THNSL1: variants seen among roughly 807,000 people sequenced by gnomAD.
THNSL1 encodes threonine synthase-like 1.
Under a neutral mutation model 50.4 loss-of-function variants are expected in THNSL1, and 48 were observed. That is an observed-to-expected ratio of 0.95 (90% CI 0.76 to 1.21). THNSL1 has a LOEUF of 1.21. THNSL1 is among the 50% of genes most tolerant of loss of function. THNSL1 has a pLI of 0.00. For synonymous variants in THNSL1, 309 were observed against 306.1 expected, an observed-to-expected ratio of 1.01 and a Z score of -0.10; for missense variants, 896 against 871.7, an observed-to-expected ratio of 1.03 and a Z score of -0.35.
At chr10:24,975,001 T>A in the THNSL1 span, among the ~76,000 whole-genome samples, 1 of 152,096 alleles carries the variant, frequency 6.6e-6, no homozygotes, top group African/African-American at 2.4e-5. Flanking sequence ...TCTTACTAAG[T>A]GGGTGGCAGC....
chr10:24,975,231 A>G, the THNSL1 span, among the ~76,000 whole-genome samples: 2 of 152,220 alleles, frequency 1.3e-5, no homozygotes, highest in African/African-American at 4.8e-5. Flanking sequence ...AGCACAGCTC[A>G]AGGGTGGGAA....
the THNSL1 span, among the ~76,000 whole-genome samples, chr10:24,985,920 T>A: frequency 6.6e-6 from 1 of 152,012 alleles, no homozygotes; most frequent in African/African-American, 2.4e-5. Flanking sequence ...ATACAAAAAA[T>A]AGCCAGGTGT....
At chr10:25,002,360 C>T in the THNSL1 span, among the ~76,000 whole-genome samples, 62 of 152,344 alleles carry the variant, frequency 4.1e-4, 2 homozygotes, top group East Asian at 0.011. Flanking sequence ...GTACTCTGTG[C>T]TGTGAATTCT....
At chr10:24,998,566 A>G in the THNSL1 span, among the ~76,000 whole-genome samples, 4 of 151,662 alleles carry the variant, frequency 2.6e-5, no homozygotes, top group Admixed American at 6.6e-5. Context: ...ATTTTTTTGT[A>G]CGGACGGGGT....
Position 25,024,801 on chromosome 10 carries a change from G to A in THNSL1, c.1578G>A (p.Pro526=), listed in dbSNP as rs762321693. 12 of 1,614,016 alleles carry A rather than the reference G, an allele frequency of 7.4e-6. No individual in the cohort carries two copies. In the East Asian group the frequency reaches 8.9e-5, roughly 12 times the overall value. ...AAVYAKMMGI[P]IRKFICASNQ... is the part of the protein sequence containing the mutation. ...TGTATGCCAAAATGATGGGAATCCCGATTCGAAAATTTATCTGTGCCTCTA... is the reference window on the plus strand; with the variant it reads ...TGTATGCCAAAATGATGGGAATCCCAATTCGAAAATTTATCTGTGCCTCTA... Residue 526 remains proline (P), a synonymous_variant, in exon 3 of 3, where the codon CCG becomes CCA. Transcript: ENST00000376356.
chr10:24,978,708 T>C, the THNSL1 span, among the ~76,000 whole-genome samples: 19 of 152,182 alleles, frequency 1.2e-4, no homozygotes, highest in Non-Finnish European at 1.8e-4. Context: ...TGGGTTGATA[T>C]GTGTTGGTGC....
chr10:25,010,065 A>C, the THNSL1 span, among the ~76,000 whole-genome samples: 1 of 152,310 alleles, frequency 6.6e-6, no homozygotes, highest in East Asian at 1.9e-4. Flanking sequence ...AGAGGTTGGA[A>C]CAGTTTGGAG....
chr10:24,998,352 T>A, the THNSL1 span, among the ~76,000 whole-genome samples: 1 of 126,342 alleles, frequency 7.9e-6, no homozygotes. Context: ...CCTCCCTTCC[T>A]TCCTTCCTCT....
intron 1 of THNSL1, among the ~76,000 whole-genome samples, chr10:25,017,155 G>T (rs1327464383): frequency 1.3e-5 from 2 of 152,230 alleles, no homozygotes; most frequent in Admixed American, 6.5e-5. Flanking sequence ...TAAATGAGCA[G>T]CCTAAACTAA....
At chr10:24,955,003 A>G in the THNSL1 span, among the ~76,000 whole-genome samples, 1 of 152,198 alleles carries the variant, frequency 6.6e-6, no homozygotes, top group African/African-American at 2.4e-5. Flanking sequence ...ACTACCTTAG[A>G]CCTGGATAAT....
chr10:24,988,236 A>ATATATATATATATATGTG, the THNSL1 span, among the ~76,000 whole-genome samples: 47 of 143,430 alleles, frequency 3.3e-4, no homozygotes, highest in African/African-American at 1.2e-3. Context: ...AAAAAAATGT[A>ATATATATATATATATGTG]TATATATATA....
Position 25,024,824 on chromosome 10 carries a change from C to T in THNSL1, c.1601C>T (p.Ser534Phe), listed in dbSNP as rs777569581. ...CCGATTCGAAAATTTATCTGTGCCT[C>T]TAATCAGAACCATGTTTTGACTGAT... ...GIPIRKFICA[S>F]NQNHVLTDFI... The change falls in exon 3 of 3, where the codon TCT becomes TTT. Residue 534 changes from serine to phenylalanine, a missense_variant. Coordinates refer to ENST00000376356, the MANE Select transcript of THNSL1 (RefSeq NM_024838.5). 13 of 1,614,018 alleles carry T rather than the reference C, an allele frequency of 8.1e-6. No homozygotes were observed. Among genetic ancestry groups the T allele is most frequent in the East Asian group, 4.5e-5 (2 of 44,892 alleles).
the THNSL1 span, chr10:24,984,384 A>G: frequency 5.1e-6 from 7 of 1,362,582 alleles, no homozygotes; most frequent in East Asian, 1.0e-4. Flanking sequence ...GCGCTGCAGA[A>G]AAAAAAAAAA....
At chr10:24,952,735 C>G in the THNSL1 span, 1 of 677,414 alleles carries the variant, frequency 1.5e-6, no homozygotes, top group Non-Finnish European at 2.3e-6. This position sits in a 1 kb window ranked among gnomAD's most constrained non-coding sequence, Gnocchi z 5.1. Context: ...CGGGAAGCAG[C>G]GGCCTGACGC....
chr10:25,011,615 G>A (rs4748993), upstream of THNSL1, among the ~76,000 whole-genome samples: 68,886 of 151,966 alleles, frequency 0.45, 16,819 homozygotes, highest in African/African-American at 0.65. Flanking sequence ...CGTTAGACCT[G>A]CAACCATAAA....
chr10:24,961,681 A>G, the THNSL1 span, among the ~76,000 whole-genome samples: 1 of 152,242 alleles, frequency 6.6e-6, no homozygotes, highest in Non-Finnish European at 1.5e-5. Context: ...GAACTAATAA[A>G]AAAAGTCAGT....
chr10:24,972,522 A>T, the THNSL1 span, among the ~76,000 whole-genome samples: 4,163 of 150,110 alleles, frequency 0.028, 203 homozygotes, highest in African/African-American at 0.099. Flanking sequence ...AAAAAAAAAT[A>T]AATAATAATA....
the THNSL1 span, among the ~76,000 whole-genome samples, chr10:25,011,168 T>C: frequency 6.6e-6 from 1 of 152,148 alleles, no homozygotes; most frequent in Non-Finnish European, 1.5e-5. Flanking sequence ...CTCACTGTGG[T>C]TTTGATTTGC....
chr10:24,968,630 T>C, the THNSL1 span, among the ~76,000 whole-genome samples: 1 of 152,230 alleles, frequency 6.6e-6, no homozygotes, highest in Non-Finnish European at 1.5e-5. Context: ...CTCCTTCAGC[T>C]GCGGCCTTTC....
Sources: gnomAD v4.1 joint callset for allele counts (sites outside exome capture counted in the v4.1 genomes callset) on GRCh38, gnomAD v4.1.1 for gene constraint, Gnocchi (gnomAD v3.1) non-coding constraint, MANE v1.5 for transcripts, NCBI Gene and HGNC (gene_info 2026-07-23, HGNC 2026-07-21) for gene names.